Variants in NLGN1 observed in about 807,000 individuals in gnomAD.
The protein encoded by NLGN1 is neuroligin 1.
A neutral mutation model predicts 65.5 loss-of-function variants in NLGN1; 12 were observed. The observed-to-expected ratio is 0.18, with a 90% confidence interval of 0.12 to 0.30. The LOEUF (loss-of-function observed/expected upper bound fraction) is 0.30. NLGN1 is among the 10% of genes least tolerant of loss of function. The probability of loss-of-function intolerance (pLI) is 1.00; values close to 1 mark genes in which losing one functional copy is unlikely to be tolerated. For missense variants in NLGN1, 750 were observed against 1,007.1 expected (o/e 0.74, Z 3.46); for synonymous variants, 350 against 359.5 (o/e 0.97, Z 0.30).
chr3:173,849,104 T>A (rs950431415), intron 4 of NLGN1, among the ~76,000 whole-genome samples: 3 of 152,112 alleles, frequency 2.0e-5, no homozygotes, highest in African/African-American at 7.2e-5. Flanking sequence ...AATTTTTTGA[T>A]CTATTGTATA....
chr3:173,815,723 C>T lies in NLGN1; in HGVS notation c.646+7891C>T, dbSNP rs575180218. ...ATGATACGCCTTAAAGAACCCTGTG[C>T]ATTACCAAATGCCATCTCTATGGAA... On this transcript the variant is annotated intron_variant, in intron 4 of 6. Coordinates refer to ENST00000457714, the Ensembl canonical transcript of NLGN1. 3.3e-5 allele frequency among the ~76,000 whole-genome samples: 5 copies of T among 152,248 alleles called. No homozygotes were observed. In the South Asian group the frequency reaches 1.0e-3, roughly 32 times the overall value.
chr3:174,043,110 C>CAA (rs1732723355), intron 4 of NLGN1, among the ~76,000 whole-genome samples: 1 of 152,120 alleles, frequency 6.6e-6, no homozygotes, highest in Non-Finnish European at 1.5e-5. Flanking sequence ...AACTCACTCA[C>CAA]CATCATGAGA....
At chr3:173,813,597 G>GA (rs1351915920) in intron 4 of NLGN1, among the ~76,000 whole-genome samples, 1 of 152,054 alleles carries the variant, frequency 6.6e-6, no homozygotes, top group Non-Finnish European at 1.5e-5. Context: ...TGAAAAAGTG[G>GA]AAGTAATTTG....
intron 4 of NLGN1, among the ~76,000 whole-genome samples, chr3:173,968,794 G>T (rs1715491206): frequency 7.2e-6 from 1 of 139,084 alleles, no homozygotes; most frequent in Admixed American, 8.2e-5. Flanking sequence ...TGCCTCCCAG[G>T]TTCATGTAAT....
At position 174,043,506 on chromosome 3, in the gene NLGN1, C is replaced by A. The variant is rs535154157; in HGVS notation, c.647-231809C>A. Among the ~76,000 whole-genome samples the A allele has an allele frequency of 3.9e-5, 6 of 152,276 alleles. No homozygotes were observed. The East Asian group carries it at 1.2e-3, about 29-fold the overall frequency. On this transcript the variant is annotated intron_variant, in intron 4 of 6. Transcript: ENST00000457714. The stretch of plus-strand genomic sequence containing the variant: ...TCCAAATGGGAGCAATTGGCTAAAA[C>A]AAAGGAGCTACAGGCCCCATGCAAG...
intron 2 of NLGN1, among the ~76,000 whole-genome samples, chr3:173,493,099 C>T (rs1240855177): frequency 6.6e-6 from 1 of 151,694 alleles, no homozygotes; most frequent in Non-Finnish European, 1.5e-5. Flanking sequence ...TAAAGTTTTA[C>T]CTATGGTAAA....
At chr3:174,101,834 T>C (rs1444457993) in intron 4 of NLGN1, among the ~76,000 whole-genome samples, 1 of 152,184 alleles carries the variant, frequency 6.6e-6, no homozygotes, top group Non-Finnish European at 1.5e-5. Context: ...GTACTTTTAA[T>C]GTAAGCCACT....
chr3:173,969,951 A>G (rs1715815415), intron 4 of NLGN1, among the ~76,000 whole-genome samples: 1 of 151,998 alleles, frequency 6.6e-6, no homozygotes, highest in South Asian at 2.1e-4. Flanking sequence ...TAAAACATTT[A>G]ATTGCCTATT....
chr3:174,094,336 T>C (rs1356373642), intron 4 of NLGN1, among the ~76,000 whole-genome samples: 1 of 152,198 alleles, frequency 6.6e-6, no homozygotes, highest in Non-Finnish European at 1.5e-5. Flanking sequence ...CATTATCTTA[T>C]ATAGAGACTT....
intron 4 of NLGN1, among the ~76,000 whole-genome samples, chr3:174,122,551 T>G (rs1242068719): frequency 1.3e-5 from 2 of 152,168 alleles, no homozygotes; most frequent in Non-Finnish European, 2.9e-5. Flanking sequence ...GATGACATTT[T>G]CAAAATAATT....
intron 2 of NLGN1, among the ~76,000 whole-genome samples, chr3:173,463,279 A>G (rs1411545063): frequency 6.6e-6 from 1 of 152,218 alleles, no homozygotes; most frequent in Non-Finnish European, 1.5e-5. Context: ...TGAGTAGAAC[A>G]TTATTCATTG....
chr3:174,123,339 TG>T (rs1718178205), intron 4 of NLGN1, among the ~76,000 whole-genome samples: 1 of 152,078 alleles, frequency 6.6e-6, no homozygotes, highest in Non-Finnish European at 1.5e-5. Flanking sequence ...GCATCGTCTG[TG>T]GTTGTCAAAG....
chr3:173,663,352 A>G (rs1322404901), intron 3 of NLGN1, among the ~76,000 whole-genome samples: 1 of 152,052 alleles, frequency 6.6e-6, no homozygotes, highest in Non-Finnish European at 1.5e-5. Flanking sequence ...CATGAATCAA[A>G]ATTTTCTTTG....
chr3:173,918,482 G>C (rs1281476094), intron 4 of NLGN1, among the ~76,000 whole-genome samples: 4 of 151,716 alleles, frequency 2.6e-5, no homozygotes, highest in Admixed American at 2.0e-4. Context: ...AAAATACAAA[G>C]ATTAGCGCCA....
rs117922251 is a variant in NLGN1, at chr3:174,161,569, A to G, written c.647-113746A>G. 2.1e-4 allele frequency among the ~76,000 whole-genome samples: 32 copies of G among 151,970 alleles called. No individual in the cohort carries two copies. The East Asian group carries it at 5.8e-3, about 28-fold the overall frequency. On this transcript the variant is annotated intron_variant, in intron 4 of 6. Transcript: ENST00000457714. ...GAGATGGGAAATCAGTCTCAAATCCATCTCTCCGACTGACTAAAATTAGGG... is the reference window on the plus strand; with the variant it reads ...GAGATGGGAAATCAGTCTCAAATCCGTCTCTCCGACTGACTAAAATTAGGG...
At chr3:173,489,601 G>A (rs1164556402) in intron 2 of NLGN1, among the ~76,000 whole-genome samples, 4 of 152,134 alleles carry the variant, frequency 2.6e-5, no homozygotes, top group Admixed American at 6.5e-5. Context: ...TATATACCCA[G>A]TAATGGGATG....
intron 2 of NLGN1, among the ~76,000 whole-genome samples, chr3:173,562,433 G>T (rs1245849539): frequency 6.6e-6 from 1 of 152,028 alleles, no homozygotes; most frequent in Non-Finnish European, 1.5e-5. Context: ...TGGGTATGGT[G>T]GTGCGCACCT....
intron 2 of NLGN1, among the ~76,000 whole-genome samples, chr3:173,437,099 T>C (rs1377837947): frequency 6.6e-6 from 1 of 152,238 alleles, no homozygotes; most frequent in Non-Finnish European, 1.5e-5. Flanking sequence ...CATTTGACTG[T>C]CAAGATTCCA....
At chr3:174,115,497 A>G (rs753442836) in intron 4 of NLGN1, among the ~76,000 whole-genome samples, 1 of 152,190 alleles carries the variant, frequency 6.6e-6, no homozygotes, top group Admixed American at 6.5e-5. Context: ...TGTTACACAG[A>G]TATATAAAAC....
Sources: gnomAD v4.1 joint callset for allele counts (sites outside exome capture counted in the v4.1 genomes callset) on GRCh38, gnomAD v4.1.1 for gene constraint, MANE v1.5 for transcripts, NCBI Gene and HGNC (gene_info 2026-07-23, HGNC 2026-07-21) for gene names.